RYR3: variants seen among roughly 807,000 people sequenced by gnomAD.
RYR3 encodes brain ryanodine receptor-calcium release channel.
RYR3 carries 207 observed loss-of-function variants against 584.3 expected under a neutral mutation model. The observed-to-expected ratio is 0.35, with a 90% CI of 0.32 to 0.40. The LOEUF (loss-of-function observed/expected upper bound fraction) is 0.40, where lower values mean the gene tolerates loss of function less well. Among genes scored for constraint, RYR3 ranks in the 10% least tolerant of loss-of-function variants. The pLI, the probability that RYR3 is intolerant of heterozygous loss-of-function variation, is 1.00. For synonymous variants in RYR3, 2,416 were observed against 2,248.5 expected (o/e 1.07, Z -2.11); for missense variants, 5,616 against 6,089.2 (o/e 0.92, Z 2.59).
intron 1 of RYR3, among the ~76,000 whole-genome samples, chr15:33,377,544 C>A (rs1309683592): frequency 2.0e-5 from 3 of 152,188 alleles, no homozygotes; most frequent in Admixed American, 6.5e-5. Context: ...GGGATTGGAG[C>A]AAGTTAGAGT....
Position 33,660,292 on chromosome 15 carries a change from C to T in RYR3, c.4491C>T (p.Pro1497=), listed in dbSNP as rs777687584. Residue 1497 remains proline, a synonymous_variant, in exon 34 of 104, where the codon CCC becomes CCT. Transcript: ENST00000634891. ...PPRLDVQTIQ[P]VLWSRMPNSF... ...GGCTGGACGTCCAAACCATCCAGCC[C>T]GTGCTCTGGAGCCGCATGCCCAACA... 16 of 1,567,924 alleles carry T rather than the reference C, an allele frequency of 1.0e-5. No individual in the cohort carries two copies. Among genetic ancestry groups the T allele is most frequent in the South Asian group, 2.4e-5 (2 of 84,892 alleles).
At chr15:33,712,309 C>T (rs577486880) in intron 43 of RYR3, among the ~76,000 whole-genome samples, 19 of 152,076 alleles carry the variant, frequency 1.2e-4, no homozygotes, top group Admixed American at 9.8e-4. Flanking sequence ...TGGGCAGGGA[C>T]AAATATACAA....
chr15:33,751,204 T>A (rs573517365), intron 57 of RYR3, among the ~76,000 whole-genome samples: 15 of 152,336 alleles, frequency 9.8e-5, no homozygotes, highest in Admixed American at 3.3e-4. Context: ...TACGTGTGCA[T>A]GTGTCTTTAT....
intron 86 of RYR3, 87 bp from the exon 87 acceptor site, chr15:33,834,876 CTCATA>C (rs530075428): frequency 1.8e-5 from 15 of 821,290 alleles, no homozygotes; most frequent in African/African-American, 1.7e-4. Flanking sequence ...AGTCTATCTG[CTCATA>C]TAAGTAGGTA....
chr15:33,674,505 A>G (rs2064036863), intron 38 of RYR3, among the ~76,000 whole-genome samples: 1 of 152,200 alleles, frequency 6.6e-6, no homozygotes, highest in Admixed American at 6.5e-5. Context: ...GTCTTAATGC[A>G]GGGAACATGT....
chr15:33,444,559 G>C (rs2046472805), intron 1 of RYR3, among the ~76,000 whole-genome samples: 1 of 152,126 alleles, frequency 6.6e-6, no homozygotes, highest in East Asian at 1.9e-4. Flanking sequence ...GTAGAGAAGA[G>C]ACAAGTAAGC....
intron 1 of RYR3, among the ~76,000 whole-genome samples, chr15:33,432,093 T>C (rs554867050): frequency 3.8e-4 from 58 of 152,332 alleles, no homozygotes; most frequent in Admixed American, 2.9e-3. Flanking sequence ...GTTTGACTCA[T>C]AGATGTCTTA....
intron 103 of RYR3, 53 bp downstream of exon 103, chr15:33,864,242 G>T: frequency 1.4e-6 from 2 of 1,416,478 alleles, no homozygotes; most frequent in Admixed American, 1.9e-5. Flanking sequence ...CCTAAATCTT[G>T]AGACTTAGTA....
At chr15:33,794,635 A>G (rs1012953545) in intron 67 of RYR3, among the ~76,000 whole-genome samples, 5 of 152,156 alleles carry the variant, frequency 3.3e-5, no homozygotes, top group African/African-American at 1.2e-4. Flanking sequence ...GTTGCTAAAA[A>G]TGGCAATGTC....
intron 94 of RYR3, chr15:33,849,505 TACTC>T (rs1335834241): frequency 6.6e-6 from 1 of 152,232 alleles, no homozygotes; most frequent in Non-Finnish European, 1.5e-5. Context: ...ATTAAGCTGT[TACTC>T]ATTCTCTTTT....
intron 5 of RYR3, among the ~76,000 whole-genome samples, chr15:33,534,399 C>T (rs1400140392): frequency 6.6e-6 from 1 of 152,178 alleles, no homozygotes. Flanking sequence ...GAGACTTCGT[C>T]TCGAAAGAAA....
chr15:33,669,289 C>A, intron 36 of RYR3, 65 bp from the exon 37 acceptor site: 1 of 1,280,050 alleles, frequency 7.8e-7, no homozygotes, highest in Non-Finnish European at 1.1e-6. Flanking sequence ...CTGTCTAAGG[C>A]AGGATCTGAG....
intron 2 of RYR3, among the ~76,000 whole-genome samples, chr15:33,483,592 A>G (rs1031287460): frequency 1.3e-5 from 2 of 152,204 alleles, no homozygotes; most frequent in East Asian, 3.8e-4. Context: ...AAAAGCCTGC[A>G]GTATTTTCTA....
At chr15:33,647,538 A>T (rs1349622545) in intron 30 of RYR3, 78 bp downstream of exon 30, 6 of 1,035,424 alleles carry the variant, frequency 5.8e-6, no homozygotes, top group African/African-American at 1.6e-5. Context: ...TACAGCAAAG[A>T]TCCGTCTAGA....
intron 9 of RYR3, 88 bp downstream of exon 9, chr15:33,548,292 C>T (rs2056404567): frequency 8.8e-6 from 7 of 797,768 alleles, no homozygotes; most frequent in South Asian, 8.6e-5. Context: ...CATTCCACAT[C>T]ATCTGGCAAA....
chr15:33,569,378 C>T (rs759054538), intron 12 of RYR3, among the ~76,000 whole-genome samples: 1 of 152,136 alleles, frequency 6.6e-6, no homozygotes, highest in Non-Finnish European at 1.5e-5. Context: ...AACTGAAACT[C>T]TGTATTTATT....
At chr15:33,446,520 A>G (rs531510945) in intron 1 of RYR3, among the ~76,000 whole-genome samples, 1 of 152,320 alleles carries the variant, frequency 6.6e-6, no homozygotes, top group African/African-American at 2.4e-5. Flanking sequence ...CTTGGCTTGT[A>G]GATGATGACT....
intron 42 of RYR3, among the ~76,000 whole-genome samples, chr15:33,701,423 A>G (rs904151531): frequency 1.3e-5 from 2 of 152,190 alleles, no homozygotes; most frequent in African/African-American, 4.8e-5. Flanking sequence ...TATGGAAGGA[A>G]GAGACATGGC....
At chr15:33,478,459 C>T (rs753545387) in intron 2 of RYR3, among the ~76,000 whole-genome samples, 1 of 152,166 alleles carries the variant, frequency 6.6e-6, no homozygotes, top group Admixed American at 6.5e-5. Flanking sequence ...CTACAAGAGT[C>T]GCTGCACTCC....
Sources: gnomAD v4.1 joint callset for allele counts (sites outside exome capture counted in the v4.1 genomes callset) on GRCh38, gnomAD v4.1.1 for gene constraint, MANE v1.5 for transcripts, NCBI Gene and HGNC (gene_info 2026-07-23, HGNC 2026-07-21) for gene names.